The following PARN variants were observed in gnomAD, a reference collection of about 807,000 sequenced individuals.
The protein encoded by PARN is poly(A)-specific ribonuclease PARN.
PARN carries 71 observed loss-of-function variants against 102.8 expected under a neutral mutation model. The observed-to-expected ratio is 0.69, with a 90% CI of 0.57 to 0.84. PARN has a LOEUF of 0.84. Among genes scored for constraint, PARN ranks in the 40% least tolerant of loss-of-function variants. The pLI, the probability that PARN is intolerant of heterozygous loss-of-function variation, is 0.00. For synonymous variants in PARN, 261 were observed against 252.9 expected, an observed-to-expected ratio of 1.03 and a Z score of -0.30; for missense variants, 782 against 760.9, an observed-to-expected ratio of 1.03 and a Z score of -0.33.
intron 22 of PARN, among the ~76,000 whole-genome samples, chr16:14,449,701 C>G (rs1961366847): frequency 6.6e-6 from 1 of 152,128 alleles, no homozygotes; most frequent in African/African-American, 2.4e-5. Context: ...TATGAATAAA[C>G]AGCTCATTAC....
chr16:14,549,147 C>G (rs931989278), intron 21 of PARN, among the ~76,000 whole-genome samples: 1 of 152,098 alleles, frequency 6.6e-6, no homozygotes, highest in African/African-American at 2.4e-5. Context: ...GTCAGAGGCA[C>G]AGCATGCTCA....
chr16:14,544,362 G>A (rs1402281521), intron 21 of PARN, among the ~76,000 whole-genome samples: 2 of 152,110 alleles, frequency 1.3e-5, no homozygotes, highest in African/African-American at 2.4e-5. Context: ...GTCACTTGAG[G>A]CAAGGAGATC....
chr16:14,609,322 T>C (rs1971376741), intron 7 of PARN, among the ~76,000 whole-genome samples, 199 bp from the exon 8 acceptor site: 1 of 152,200 alleles, frequency 6.6e-6, no homozygotes, highest in Admixed American at 6.5e-5. Flanking sequence ...CCCAGCACTT[T>C]GGGAGGTCGA....
chr16:14,611,636 G>A (rs1053986210), intron 6 of PARN, among the ~76,000 whole-genome samples: 3 of 152,138 alleles, frequency 2.0e-5, no homozygotes, highest in African/African-American at 7.2e-5. Flanking sequence ...TGCCTCCCAG[G>A]TTCAAGCAAT....
Position 14,554,083 on chromosome 16 carries a change from G to C in PARN, c.1387C>G (p.Gln463Glu). The C allele has an allele frequency of 6.2e-7, 1 of 1,612,100 alleles. No individual in the cohort carries two copies. Among genetic ancestry groups the C allele is most frequent in the South Asian group, 1.1e-5 (1 of 90,560 alleles). ...GACTTACCAAAGGCACTGAAAAGCTGGTAAAGGTCGCTGGTTTTCCATTCT... is the reference window on the plus strand; with the variant it reads ...GACTTACCAAAGGCACTGAAAAGCTCGTAAAGGTCGCTGGTTTTCCATTCT... ...PKEWKTSDLY[Q>E]LFSAFGNIQI... The change falls in exon 20 of 24, where the codon CAG becomes GAG. Residue 463 changes from glutamine to glutamate, a missense_variant. Gln to Glu is a conservative substitution (Grantham distance 29). Transcript: ENST00000437198.
chr16:14,618,360 TG>T (rs984215546), intron 5 of PARN, among the ~76,000 whole-genome samples: 1 of 151,972 alleles, frequency 6.6e-6, no homozygotes, highest in African/African-American at 2.4e-5. Flanking sequence ...AGGCAGCATG[TG>T]CCTCTAGTCC....
intron 22 of PARN, among the ~76,000 whole-genome samples, chr16:14,467,010 CCT>C (rs1243585166): frequency 6.6e-6 from 1 of 152,180 alleles, no homozygotes; most frequent in Admixed American, 6.5e-5. Context: ...TCCACCTACT[CCT>C]CTCTCCTCTC....
At chr16:14,480,970 A>AATAAC (rs1435778474) in intron 22 of PARN, among the ~76,000 whole-genome samples, 3 of 151,986 alleles carry the variant, frequency 2.0e-5, no homozygotes, top group African/African-American at 4.8e-5. Flanking sequence ...TAAATAAATA[A>AATAAC]ATAACATAAA....
intron 21 of PARN, among the ~76,000 whole-genome samples, chr16:14,512,394 G>C (rs1475645924): frequency 6.6e-6 from 1 of 152,092 alleles, no homozygotes; most frequent in Non-Finnish European, 1.5e-5. Flanking sequence ...TCCCGAGGCT[G>C]AGGCACGAGA....
chr16:14,534,215 G>A (rs1163579215), intron 21 of PARN, among the ~76,000 whole-genome samples: 1 of 137,054 alleles, frequency 7.3e-6, no homozygotes, highest in Non-Finnish European at 1.5e-5. Context: ...GTAAGACCCT[G>A]TCTCAGAAAA....
chr16:14,464,720 C>T (rs148616655), intron 22 of PARN, among the ~76,000 whole-genome samples: 59 of 151,910 alleles, frequency 3.9e-4, no homozygotes, highest in African/African-American at 1.4e-3. Flanking sequence ...TGCGCCACTG[C>T]ACTCCAGCCT....
intron 21 of PARN, among the ~76,000 whole-genome samples, chr16:14,485,956 G>A: frequency 6.6e-6 from 1 of 152,204 alleles, no homozygotes. Context: ...TCAAAGTGCT[G>A]GGATTATGGG....
At chr16:14,615,018 G>A (rs767125181) in intron 6 of PARN, among the ~76,000 whole-genome samples, 16 of 152,002 alleles carry the variant, frequency 1.1e-4, no homozygotes, top group Non-Finnish European at 1.5e-4. Context: ...AACTAACAAG[G>A]AGTCACCTGG....
At chr16:14,484,281 T>C (rs1307645505) in intron 21 of PARN, among the ~76,000 whole-genome samples, 1 of 152,184 alleles carries the variant, frequency 6.6e-6, no homozygotes, top group Non-Finnish European at 1.5e-5. Context: ...CTGCTGTGGA[T>C]GGATCACGAT....
At chr16:14,558,880 T>A (rs951248541) in intron 18 of PARN, among the ~76,000 whole-genome samples, 1 of 152,170 alleles carries the variant, frequency 6.6e-6, no homozygotes, top group Non-Finnish European at 1.5e-5. Context: ...TTTACGATCA[T>A]TTTTTAAACT....
chr16:14,482,217 C>T (rs1451190430), intron 22 of PARN, among the ~76,000 whole-genome samples: 3 of 152,018 alleles, frequency 2.0e-5, no homozygotes, highest in African/African-American at 7.2e-5. Flanking sequence ...GGCAATAGAG[C>T]GAGACCTCAT....
chr16:14,532,272 G>A (rs1438257234), intron 21 of PARN, among the ~76,000 whole-genome samples: 1 of 150,720 alleles, frequency 6.6e-6, no homozygotes, highest in Non-Finnish European at 1.5e-5. Flanking sequence ...AAGGTCAGCA[G>A]ATAAACAAGT....
At chr16:14,469,620 C>T (rs1385400297) in intron 22 of PARN, among the ~76,000 whole-genome samples, 1 of 151,946 alleles carries the variant, frequency 6.6e-6, no homozygotes, top group East Asian at 1.9e-4. Flanking sequence ...TTCATTCATC[C>T]ACCAACCTCC....
intron 18 of PARN, among the ~76,000 whole-genome samples, chr16:14,564,847 G>A (rs772616591): frequency 2.0e-5 from 3 of 151,912 alleles, no homozygotes; most frequent in Non-Finnish European, 4.4e-5. Flanking sequence ...CTACACTTCC[G>A]ATTTCTCAAA....
Sources: allele counts gnomAD v4.1 joint callset (sites outside exome capture counted in the v4.1 genomes callset), GRCh38; gene constraint gnomAD v4.1.1; transcripts MANE v1.5; gene names NCBI Gene and HGNC (gene_info 2026-07-23, HGNC 2026-07-21).